Variants in ALPK2 observed in about 807,000 individuals in gnomAD.
ALPK2 encodes the protein alpha-protein kinase 2.
A neutral mutation model predicts 163.1 loss-of-function variants in ALPK2; 127 were observed. The ratio of observed to expected loss-of-function variants is 0.78; its 90% CI spans 0.67 to 0.90. The LOEUF is 0.90. ALPK2 is among the 40% of genes least tolerant of loss of function. ALPK2 has a pLI of 0.00. For missense variants in ALPK2, 2,360 were observed against 2,589.6 expected (o/e 0.91, Z 1.92); for synonymous variants, 953 against 959.1 (o/e 0.99, Z 0.12).
intron 1 of ALPK2, among the ~76,000 whole-genome samples, chr18:58,624,737 G>A (rs1176864565): frequency 6.6e-6 from 1 of 152,192 alleles, no homozygotes; most frequent in Non-Finnish European, 1.5e-5. Flanking sequence ...TAACAGGCAT[G>A]AGCCACCAAG....
chr18:58,625,847 C>A (rs532209809), intron 1 of ALPK2, among the ~76,000 whole-genome samples: 1 of 152,210 alleles, frequency 6.6e-6, no homozygotes, highest in Non-Finnish European at 1.5e-5. Flanking sequence ...CCTGTCTCTT[C>A]GAGCTGATGT....
At chr18:58,498,823 C>A (rs1348630636) in intron 11 of ALPK2, among the ~76,000 whole-genome samples, 1 of 152,206 alleles carries the variant, frequency 6.6e-6, no homozygotes, top group African/African-American at 2.4e-5. Context: ...GATTGTGAGG[C>A]CTCCCCAGCC....
intron 3 of ALPK2, among the ~76,000 whole-genome samples, chr18:58,604,654 C>G: frequency 6.6e-6 from 1 of 152,314 alleles, no homozygotes; most frequent in African/African-American, 2.4e-5. Flanking sequence ...CAGGGCTCTA[C>G]CAACATTTCT....
At chr18:58,587,211 A>G (rs79355767) in intron 3 of ALPK2, among the ~76,000 whole-genome samples, 27 of 152,324 alleles carry the variant, frequency 1.8e-4, no homozygotes, top group Admixed American at 5.2e-4. Flanking sequence ...AAGCTAACTC[A>G]GTAGAAACTT....
At chr18:58,521,627 C>CTCTTTT (rs59358600) in intron 8 of ALPK2, among the ~76,000 whole-genome samples, 13 of 55,382 alleles carry the variant, frequency 2.3e-4, no homozygotes, top group African/African-American at 5.7e-4. Context: ...TTCTCTCTCT[C>CTCTTTT]TTTTTTTTTT....
chr18:58,526,884 T>G lies in ALPK2; in HGVS notation c.5501+2207A>C, dbSNP rs767608403. Among the ~76,000 whole-genome samples the G allele has an allele frequency of 1.2e-4, 19 of 152,264 alleles. 1 individual carries two copies. The highest frequency in any genetic ancestry group is 2.6e-4 in the Non-Finnish European group (18 of 68,038). ...TTGAGGATGATCTAGTGAAAGAGAA[T>G]GCTTTGCTATTTCCCATTTACACAG... is the stretch of plus-strand genomic sequence containing the variant. On this transcript the variant is annotated intron_variant, in intron 6 of 12. Coordinates refer to ENST00000361673, the MANE Select transcript of ALPK2 (RefSeq NM_052947.4).
intron 1 of ALPK2, among the ~76,000 whole-genome samples, chr18:58,622,635 T>C (rs1015346266): frequency 6.6e-6 from 1 of 152,196 alleles, no homozygotes; most frequent in African/African-American, 2.4e-5. Flanking sequence ...ACCCACTTCC[T>C]TGAGTTAACT....
intron 1 of ALPK2, among the ~76,000 whole-genome samples, chr18:58,614,634 G>A (rs1298741081): frequency 2.0e-5 from 3 of 152,188 alleles, no homozygotes; most frequent in Non-Finnish European, 4.4e-5. Context: ...ACCAGCCCAA[G>A]GCTGGTCTTG....
At chr18:58,573,313 T>TGC (rs762802990) in intron 4 of ALPK2, among the ~76,000 whole-genome samples, 25 of 138,198 alleles carry the variant, frequency 1.8e-4, no homozygotes, top group Non-Finnish European at 3.6e-4. Flanking sequence ...TGTATATATA[T>TGC]GTGTGTATAT....
Position 58,579,921 on chromosome 18 carries a change from T to C in ALPK2, c.855A>G (p.Pro285=), listed in dbSNP as rs1477148447. The change falls in exon 4 of 13, where the codon CCA becomes CCG. Residue 285 remains proline (P), a synonymous_variant. Coordinates refer to ENST00000361673, the MANE Select transcript of ALPK2 (RefSeq NM_052947.4). The part of the protein sequence containing the change: ...PLSEATAHIY[P]GDSAVANKQP... ...GTTTGTTGGCCACGGCACTGTCACC[T>C]GGGTAAATGTGTGCAGTTGCCTCAG... is the stretch of plus-strand genomic sequence containing the variant. The C allele has an allele frequency of 1.2e-6, 2 of 1,614,174 alleles. No homozygotes were observed. Among genetic ancestry groups the C allele is most frequent in the Admixed American group, 3.3e-5 (2 of 60,028 alleles).
At chr18:58,616,742 G>T (rs183288792) in intron 1 of ALPK2, among the ~76,000 whole-genome samples, 393 of 152,294 alleles carry the variant, frequency 2.6e-3, no homozygotes, top group African/African-American at 8.5e-3. Context: ...CAGTTTACTT[G>T]TATCCTTAAA....
At chr18:58,624,491 G>A (rs2052218863) in intron 1 of ALPK2, among the ~76,000 whole-genome samples, 1 of 139,926 alleles carries the variant, frequency 7.1e-6, no homozygotes, top group African/African-American at 2.7e-5. Context: ...TTTCACTCTT[G>A]TTGCCCAGGC....
At chr18:58,573,234 G>GTATATATGTATATATGTGTATATA (rs1568089287) in intron 4 of ALPK2, among the ~76,000 whole-genome samples, 6 of 116,516 alleles carry the variant, frequency 5.1e-5, no homozygotes, top group Middle Eastern at 4.0e-3. Context: ...GTGTATATGT[G>GTATATATGTATATATGTGTATATA]TGTATATATG....
intron 4 of ALPK2, among the ~76,000 whole-genome samples, chr18:58,551,240 A>C (rs2051758518): frequency 6.6e-6 from 1 of 152,130 alleles, no homozygotes; most frequent in Non-Finnish European, 1.5e-5. Context: ...TTACTCCCTC[A>C]GTTCTGGAGG....
intron 11 of ALPK2, among the ~76,000 whole-genome samples, chr18:58,502,785 C>T (rs546122202): frequency 6.6e-6 from 1 of 152,356 alleles, no homozygotes; most frequent in Non-Finnish European, 1.5e-5. Context: ...TAAGAACTTT[C>T]TCTGATCATG....
chr18:58,587,050 A>G (rs116745140), intron 3 of ALPK2, among the ~76,000 whole-genome samples: 59 of 152,330 alleles, frequency 3.9e-4, no homozygotes, highest in African/African-American at 9.4e-4. Context: ...ACTAGCAGGA[A>G]GTGAAGGCTA....
At chr18:58,591,061 C>T (rs2052012568) in intron 3 of ALPK2, among the ~76,000 whole-genome samples, 1 of 152,192 alleles carries the variant, frequency 6.6e-6, no homozygotes, top group African/African-American at 2.4e-5. Flanking sequence ...GGACAGCCTA[C>T]CAGAGGTCCA....
chr18:58,564,830 CT>C (rs924164498), intron 4 of ALPK2, among the ~76,000 whole-genome samples: 4 of 152,022 alleles, frequency 2.6e-5, no homozygotes, highest in South Asian at 4.1e-4. Context: ...TTATGTCTTC[CT>C]TTTTTAAAAA....
At chr18:58,617,252 T>C (rs1226776133) in intron 1 of ALPK2, among the ~76,000 whole-genome samples, 2 of 152,218 alleles carry the variant, frequency 1.3e-5, no homozygotes, top group Non-Finnish European at 2.9e-5. Context: ...AATGGCACGA[T>C]CTCAGCTCAC....
Sources: allele counts gnomAD v4.1 joint callset (sites outside exome capture counted in the v4.1 genomes callset), GRCh38; gene constraint gnomAD v4.1.1; transcripts MANE v1.5; gene names NCBI Gene and HGNC (gene_info 2026-07-23, HGNC 2026-07-21).